Variants in KIF20B observed in about 807,000 individuals in gnomAD.
KIF20B encodes kinesin family member 20B.
KIF20B carries 188 observed loss-of-function variants against 232.5 expected under a neutral mutation model. That is an observed-to-expected ratio of 0.81 (90% CI 0.72 to 0.91). The LOEUF (loss-of-function observed/expected upper bound fraction) is 0.91. Among genes scored for constraint, KIF20B ranks in the 40% least tolerant of loss-of-function variants. KIF20B has a pLI of 0.00. For synonymous variants in KIF20B, 712 were observed against 683.0 expected, an observed-to-expected ratio of 1.04 and a Z score of -0.66; for missense variants, 2,154 against 2,055.9, an observed-to-expected ratio of 1.05 and a Z score of -0.92.
intron 28 of KIF20B, among the ~76,000 whole-genome samples, chr10:89,762,182 T>C (rs1842255400): frequency 6.6e-6 from 1 of 152,150 alleles, no homozygotes; most frequent in South Asian, 2.1e-4. Context: ...AGGACCATAA[T>C]GTTATTTCTA....
chr10:89,724,507 C>T (rs1270426107), intron 14 of KIF20B, among the ~76,000 whole-genome samples: 1 of 151,774 alleles, frequency 6.6e-6, no homozygotes. Context: ...CCAGCCTGGG[C>T]GACAGAGTGA....
chr10:89,769,428 A>AAACAG (rs1313113620), intron 31 of KIF20B, among the ~76,000 whole-genome samples: 4 of 152,048 alleles, frequency 2.6e-5, no homozygotes, highest in Admixed American at 1.3e-4. Flanking sequence ...AAACAAAACA[A>AAACAG]AACAGAACAA....
intron 15 of KIF20B, among the ~76,000 whole-genome samples, chr10:89,725,534 T>A (rs1843164835): frequency 6.6e-6 from 1 of 152,140 alleles, no homozygotes; most frequent in Non-Finnish European, 1.5e-5. Context: ...AACAAAAATG[T>A]TTATGTATAA....
intron 23 of KIF20B, among the ~76,000 whole-genome samples, chr10:89,746,212 T>A (rs765987811): frequency 3.3e-5 from 5 of 152,200 alleles, no homozygotes; most frequent in Non-Finnish European, 7.3e-5. Context: ...CACAGGCGGC[T>A]TGTGTTAATC....
chr10:89,718,984 G>A, intron 12 of KIF20B, 112 bp downstream of exon 12: 4 of 707,240 alleles, frequency 5.7e-6, no homozygotes, highest in South Asian at 3.2e-5. Flanking sequence ...AAATTAAAAA[G>A]GTAAATATTT....
chr10:89,740,512 TG>T (rs1841775147), intron 21 of KIF20B, among the ~76,000 whole-genome samples: 1 of 152,172 alleles, frequency 6.6e-6, no homozygotes, highest in South Asian at 2.1e-4. Context: ...CCACAGAGTT[TG>T]GTGGGTGGGA....
At chr10:89,742,033 A>C (rs1014522075) in intron 21 of KIF20B, among the ~76,000 whole-genome samples, 1 of 152,202 alleles carries the variant, frequency 6.6e-6, no homozygotes, top group Non-Finnish European at 1.5e-5. Flanking sequence ...TGAAAAGGTA[A>C]AAGTTCTTAA....
Position 89,734,225 on chromosome 10 carries a change from C to T in KIF20B, c.2545+1169C>T, listed in dbSNP as rs553987329. Among the ~76,000 whole-genome samples the T allele has an allele frequency of 1.2e-4, 19 of 152,126 alleles. No homozygotes were observed. In the South Asian group the frequency reaches 2.7e-3, roughly 22 times the overall value. On this transcript the variant is annotated intron_variant, in intron 19 of 32. Transcript: ENST00000371728. ...AGGAGTTTGAGACCAGCCTGACCAA[C>T]GTGATGAAACCCCATCTCTACTAAA...
intron 2 of KIF20B, among the ~76,000 whole-genome samples, chr10:89,707,625 C>T (rs1360596456): frequency 6.6e-6 from 1 of 150,992 alleles, no homozygotes; most frequent in Non-Finnish European, 1.5e-5. Flanking sequence ...TTCCCTTACC[C>T]CTCCTTTTTT....
chr10:89,719,307 G>T, intron 12 of KIF20B, 112 bp from the exon 13 acceptor site: 1 of 749,100 alleles, frequency 1.3e-6, no homozygotes. Flanking sequence ...TGTTTGAATA[G>T]TTTTTCCTTA....
At chr10:89,703,339 G>T (rs1208458070) in intron 1 of KIF20B, among the ~76,000 whole-genome samples, 1 of 152,152 alleles carries the variant, frequency 6.6e-6, no homozygotes, top group Non-Finnish European at 1.5e-5. Context: ...CCTGATCAAG[G>T]AAAAAGATTG....
intron 18 of KIF20B, among the ~76,000 whole-genome samples, chr10:89,730,452 A>G (rs1428930737): frequency 6.6e-6 from 1 of 152,184 alleles, no homozygotes; most frequent in Non-Finnish European, 1.5e-5. Flanking sequence ...GTGCAGTCGT[A>G]GTCAATGTGT....
chr10:89,774,071 A>G lies in KIF20B; in HGVS notation c.*23A>G. 4.8e-6 allele frequency: 7 copies of G among 1,456,238 alleles called. No homozygotes were observed. Among genetic ancestry groups the G allele is most frequent in the Non-Finnish European group, 5.7e-6 (6 of 1,057,916 alleles). The allele number at this position is 1,456,238 out of a possible 1,614,324, so 90.2% of individuals were successfully genotyped here. On this transcript the variant is annotated 3_prime_UTR_variant, in exon 33 of 33. Coordinates refer to ENST00000371728, the MANE Select transcript of KIF20B (RefSeq NM_001284259.2). ...TAAATCACTTATGGAAATGTTTAAT[A>G]TAAATTTTATAGTCATAGTCATTGG...
chr10:89,743,184 G>A (rs977873101), intron 21 of KIF20B, among the ~76,000 whole-genome samples: 2 of 152,316 alleles, frequency 1.3e-5, no homozygotes, highest in Admixed American at 1.3e-4. Context: ...GGTTTCAGAG[G>A]GGGTTGGTAT....
chr10:89,741,371 T>TA (rs1484197023), intron 21 of KIF20B, among the ~76,000 whole-genome samples: 1 of 152,220 alleles, frequency 6.6e-6, no homozygotes, highest in Non-Finnish European at 1.5e-5. Context: ...GCCCAGTTCC[T>TA]AACAAGCTAT....
intron 26 of KIF20B, among the ~76,000 whole-genome samples, chr10:89,755,464 C>G (rs1276228200): frequency 1.6e-5 from 2 of 123,190 alleles, no homozygotes; most frequent in African/African-American, 3.0e-5. Flanking sequence ...CTTCCCTCCC[C>G]TCCCCTCCCT....
intron 1 of KIF20B, 53 bp from the exon 2 acceptor site, chr10:89,705,241 G>GCTT (rs1842697876): frequency 1.3e-6 from 2 of 1,518,042 alleles, no homozygotes; most frequent in Non-Finnish European, 1.8e-6. Context: ...AGTGTGGGTG[G>GCTT]CTTACATGCT....
chr10:89,720,347 G>A (rs182062228), intron 13 of KIF20B, among the ~76,000 whole-genome samples: 1 of 152,298 alleles, frequency 6.6e-6, no homozygotes, highest in African/African-American at 2.4e-5. Context: ...TGTAGGTTAA[G>A]TTGTAAATTT....
chr10:89,752,960 C>T (rs1298550747), intron 25 of KIF20B, among the ~76,000 whole-genome samples: 3 of 152,168 alleles, frequency 2.0e-5, no homozygotes, highest in Non-Finnish European at 4.4e-5. Flanking sequence ...TAAACCACTG[C>T]TTCTAATGTC....
Sources: allele counts gnomAD v4.1 joint callset (sites outside exome capture counted in the v4.1 genomes callset), GRCh38; gene constraint gnomAD v4.1.1; transcripts MANE v1.5; gene names NCBI Gene and HGNC (gene_info 2026-07-23, HGNC 2026-07-21).